Variants in FOCAD observed in about 807,000 individuals in gnomAD.
FOCAD encodes KIAA1797.
FOCAD carries 198 observed loss-of-function variants against 225.6 expected under a neutral mutation model. That is an observed-to-expected ratio of 0.88 (90% CI 0.78 to 0.99). The LOEUF is 0.99. Among genes scored for constraint, FOCAD ranks in the 50% least tolerant of loss-of-function variants. The pLI is 0.00. For missense variants in FOCAD, 2,713 were observed against 2,123.6 expected, an observed-to-expected ratio of 1.28 and a Z score of -5.46; for synonymous variants, 897 against 755.0, an observed-to-expected ratio of 1.19 and a Z score of -3.08.
chr9:20,880,321 G>A lies in FOCAD; in HGVS notation c.2318-1550G>A, dbSNP rs1338102881. On this transcript the variant is annotated intron_variant, in intron 19 of 43. Transcript: ENST00000338382. The stretch of plus-strand genomic sequence containing the variant: ...ACGGGAGGAAGAAGAAAGAGTATCT[G>A]TATTATAAATTGGGGTGCCTAAGGG... 8.5e-5 allele frequency among the ~76,000 whole-genome samples: 13 copies of A among 152,306 alleles called. No homozygotes were observed. The East Asian group carries it at 1.2e-3, about 14-fold the overall frequency.
At chr9:20,744,076 T>A (rs933190254) in intron 5 of FOCAD, among the ~76,000 whole-genome samples, 2 of 151,848 alleles carry the variant, frequency 1.3e-5, no homozygotes, top group Non-Finnish European at 2.9e-5. Context: ...AGAGAGAAAA[T>A]GTAAGAGATC....
Position 20,881,921 on chromosome 9 carries a change from C to T in FOCAD, c.2368C>T (p.Pro790Ser), listed in dbSNP as rs886598107. ...SLVKQEMVNMPRGIYHSALKG... is the reference protein window; with the variant it reads ...SLVKQEMVNMSRGIYHSALKG... The stretch of plus-strand genomic sequence containing the variant: ...TGTGAAGCAAGAAATGGTGAATATG[C>T]CTCGTGGGATATATCACTCTGCATT... The change falls in exon 20 of 44, where the codon CCT becomes TCT. Residue 790 changes from proline (P) to serine (S), a missense_variant. Coordinates refer to ENST00000338382, the MANE Select transcript of FOCAD (RefSeq NM_001375567.1). 6.2e-7 allele frequency: 1 copy of T among 1,613,566 alleles called. No individual in the cohort carries two copies. The highest frequency in any genetic ancestry group is 8.5e-7 in the Non-Finnish European group (1 of 1,179,858).
chr9:20,982,230 G>A (rs946230897), intron 38 of FOCAD, 127 bp from the exon 39 acceptor site: 1 of 569,670 alleles, frequency 1.8e-6, no homozygotes, highest in African/African-American at 1.9e-5. Context: ...AAATGTTTTG[G>A]TTTGGTTAAA....
chr9:20,669,766 C>A (rs754952991), intron 2 of FOCAD, among the ~76,000 whole-genome samples: 1 of 151,870 alleles, frequency 6.6e-6, no homozygotes, highest in African/African-American at 2.4e-5. Flanking sequence ...CAGAGCAAGA[C>A]TTCATCTCAA....
At chr9:20,758,601 T>C (rs1829283786) in intron 6 of FOCAD, among the ~76,000 whole-genome samples, 1 of 149,522 alleles carries the variant, frequency 6.7e-6, no homozygotes, top group South Asian at 2.2e-4. Flanking sequence ...CACCTATAAG[T>C]GAGACTATGC....
At chr9:20,829,214 A>G in intron 15 of FOCAD, among the ~76,000 whole-genome samples, 1 of 152,052 alleles carries the variant, frequency 6.6e-6, no homozygotes, top group East Asian at 1.9e-4. Flanking sequence ...GAAAAACTGC[A>G]CCTTCCATAA....
intron 28 of FOCAD, among the ~76,000 whole-genome samples, chr9:20,938,296 C>G (rs973710312): frequency 3.9e-5 from 6 of 152,124 alleles, no homozygotes; most frequent in African/African-American, 1.2e-4. Context: ...TTTATTGCGG[C>G]ACTATTCACA....
chr9:20,893,989 C>T (rs991476183), intron 21 of FOCAD, among the ~76,000 whole-genome samples: 2 of 152,094 alleles, frequency 1.3e-5, no homozygotes, highest in Admixed American at 6.6e-5. Flanking sequence ...TAGTATCATA[C>T]ACAGTAGTTT....
chr9:20,927,312 A>T (rs560666159), intron 26 of FOCAD, among the ~76,000 whole-genome samples: 3 of 152,276 alleles, frequency 2.0e-5, no homozygotes, highest in African/African-American at 7.2e-5. Flanking sequence ...GAAAAATATC[A>T]TCTATAGTAG....
intron 27 of FOCAD, among the ~76,000 whole-genome samples, chr9:20,930,498 G>A (rs1178764567): frequency 6.6e-6 from 1 of 152,160 alleles, no homozygotes; most frequent in Non-Finnish European, 1.5e-5. Flanking sequence ...ATTCCTGGTT[G>A]GCAGAAATTA....
intron 1 of FOCAD, among the ~76,000 whole-genome samples, chr9:20,703,436 A>G (rs1824131799): frequency 2.0e-5 from 3 of 152,138 alleles, no homozygotes; most frequent in Admixed American, 1.3e-4. Flanking sequence ...ATAGAGTTGC[A>G]GTGGGGAGCC....
chr9:20,861,092 C>G (rs1203572333), intron 15 of FOCAD, among the ~76,000 whole-genome samples: 1 of 152,108 alleles, frequency 6.6e-6, no homozygotes, highest in African/African-American at 2.4e-5. Context: ...TGATACCTTC[C>G]CTGATGACTC....
chr9:20,773,298 G>A (rs147991782), intron 8 of FOCAD, among the ~76,000 whole-genome samples: 1,952 of 152,322 alleles, frequency 0.013, 54 homozygotes, highest in African/African-American at 0.045. Flanking sequence ...TGAAGCTTAT[G>A]TTTTAGTCAA....
At chr9:20,920,669 T>G (rs1834329245) in intron 24 of FOCAD, among the ~76,000 whole-genome samples, 1 of 151,446 alleles carries the variant, frequency 6.6e-6, no homozygotes, top group East Asian at 1.9e-4. Flanking sequence ...TGTAGGGACA[T>G]GGATGAAATT....
At chr9:20,762,788 G>C (rs1406326564) in intron 6 of FOCAD, among the ~76,000 whole-genome samples, 1 of 151,252 alleles carries the variant, frequency 6.6e-6, no homozygotes, top group Non-Finnish European at 1.5e-5. Flanking sequence ...TGAACAAAGT[G>C]CCTAACAGGA....
intron 15 of FOCAD, among the ~76,000 whole-genome samples, chr9:20,846,656 T>G (rs537511355): frequency 2.0e-5 from 3 of 152,170 alleles, no homozygotes; most frequent in African/African-American, 7.2e-5. Context: ...ACTCTGGAAA[T>G]GGTGTTGATT....
At chr9:20,701,690 G>C (rs1823964807) in intron 1 of FOCAD, among the ~76,000 whole-genome samples, 1 of 152,206 alleles carries the variant, frequency 6.6e-6, no homozygotes, top group Non-Finnish European at 1.5e-5. Flanking sequence ...AGATGTGGGA[G>C]ATGTATTGCT....
At chr9:20,718,913 T>A (rs1029750247) in intron 3 of FOCAD, among the ~76,000 whole-genome samples, 4 of 152,202 alleles carry the variant, frequency 2.6e-5, no homozygotes, top group African/African-American at 9.6e-5. Context: ...TTTGATATTG[T>A]CAGTACAGCT....
At chr9:20,717,186 GA>G (rs1825408152) in intron 2 of FOCAD, among the ~76,000 whole-genome samples, 1 of 152,168 alleles carries the variant, frequency 6.6e-6, no homozygotes, top group Non-Finnish European at 1.5e-5. Flanking sequence ...AATACAAAGA[GA>G]AAAATGAGGA....
Sources: allele counts gnomAD v4.1 joint callset (sites outside exome capture counted in the v4.1 genomes callset), GRCh38; gene constraint gnomAD v4.1.1; transcripts MANE v1.5; gene names NCBI Gene and HGNC (gene_info 2026-07-23, HGNC 2026-07-21).